The following FLNC variants were observed in gnomAD, a reference collection of about 807,000 sequenced individuals.
FLNC encodes filamin C.
A neutral mutation model predicts 254.3 loss-of-function variants in FLNC; 91 were observed. The observed-to-expected ratio is 0.36, with a 90% CI of 0.30 to 0.43. The LOEUF (loss-of-function observed/expected upper bound fraction) is 0.43. Ranked by LOEUF, FLNC falls within the 20% of genes least tolerant of loss-of-function variation. FLNC has a pLI of 1.00. For missense variants in FLNC, 2,853 were observed against 3,802.6 expected, an observed-to-expected ratio of 0.75 and a Z score of 6.57; for synonymous variants, 1,430 against 1,577.2, an observed-to-expected ratio of 0.91 and a Z score of 2.21.
chr7:128,839,762 C>T (rs557729582), intron 8 of FLNC, among the ~76,000 whole-genome samples: 1 of 152,366 alleles, frequency 6.6e-6, no homozygotes, highest in African/African-American at 2.4e-5. Context: ...TCTCTCTGAG[C>T]CCACTCTCAG....
Position 128,850,925 on chromosome 7 carries a change from G to A in FLNC, c.5521G>A (p.Asp1841Asn), listed in dbSNP as rs1393030606. The part of the protein sequence containing the change: ...KGLHQMGIKY[D>N]GNHIPGSPLQ... ...CCTGCACCAGATGGGGATCAAGTAT[G>A]ACGGCAACCACATCCCTGGTGAGTT... The change falls in exon 33 of 48, where the codon GAC (aspartate) becomes AAC (asparagine). Residue 1841 changes from aspartate (D) to asparagine (N), a missense_variant. Coordinates refer to ENST00000325888, the MANE Select transcript of FLNC (RefSeq NM_001458.5). 1 of 1,613,726 alleles carries A rather than the reference G, an allele frequency of 6.2e-7. No homozygotes were observed. Among genetic ancestry groups the A allele is most frequent in the East Asian group, 2.2e-5 (1 of 44,876 alleles).
At position 128,835,429 on chromosome 7, in the gene FLNC, T is replaced by C; in HGVS notation, c.456T>C (p.Asp152=). The change falls in exon 2 of 48, where the codon GAT becomes GAC. Residue 152 remains aspartate (D), a synonymous_variant. Transcript: ENST00000325888. This position sits in a 1 kb window ranked among gnomAD's most constrained non-coding sequence, Gnocchi z 5.3. The part of the protein sequence containing the change: ...SISMPMWEDE[D]DEDARKQTPK... Reference sequence around the variant, plus strand: ...CCATGCCCATGTGGGAGGATGAAGATGATGAGGATGCCCGCAAACAGACGC... The same window carrying C: ...CCATGCCCATGTGGGAGGATGAAGACGATGAGGATGCCCGCAAACAGACGC... The C allele has an allele frequency of 6.2e-7, 1 of 1,614,050 alleles. No homozygotes were observed. The highest frequency in any genetic ancestry group is 1.7e-5 in the Admixed American group (1 of 60,016).
At chr7:128,844,539 T>C (rs1231089853) in intron 20 of FLNC, 119 bp from the exon 21 acceptor site, 2 of 1,043,534 alleles carry the variant, frequency 1.9e-6, no homozygotes, top group African/African-American at 1.6e-5. Flanking sequence ...CCTGGGATTG[T>C]TATAAGCACT....
intron 1 of FLNC, among the ~76,000 whole-genome samples, chr7:128,834,597 A>G (rs1373205699): frequency 1.3e-5 from 2 of 151,968 alleles, no homozygotes. Context: ...TATTCATTCA[A>G]CCAATATTTA....
At position 128,841,108 on chromosome 7, in the gene FLNC, G is replaced by GC; in HGVS notation, c.1814-61dup. ...AGGACATGAGGGCAGCTAGAGGGGA[G>GC]CTGGGGGACGGAAGGGTCTTGCCTG... On this transcript the variant is annotated intron_variant, in intron 11 of 47. Coordinates refer to ENST00000325888, the MANE Select transcript of FLNC (RefSeq NM_001458.5). The surrounding 1 kb of genome is among the most constrained non-coding windows in gnomAD (Gnocchi z 4.3). 6.3e-7 allele frequency: 1 copy of GC among 1,594,858 alleles called. No individual in the cohort carries two copies. The highest frequency in any genetic ancestry group is 1.7e-5 in the Admixed American group (1 of 59,720).
At position 128,858,028 on chromosome 7, in the gene FLNC, C is replaced by T. The variant is rs1359466447; in HGVS notation, c.7801C>T (p.His2601Tyr). 5 of 1,547,086 alleles carry T rather than the reference C, an allele frequency of 3.2e-6. No homozygotes were observed. The highest frequency in any genetic ancestry group is 1.7e-4 in the Middle Eastern group (1 of 5,900). Residue 2601 changes from histidine to tyrosine, a missense_variant, in exon 47 of 48, where the codon CAC (histidine) becomes TAC (tyrosine). Physicochemically the swap from His to Tyr is moderately conservative, Grantham distance 83. Coordinates refer to ENST00000325888, the MANE Select transcript of FLNC (RefSeq NM_001458.5). This position sits in a 1 kb window ranked among gnomAD's most constrained non-coding sequence, Gnocchi z 6.7. ...CTCAGGTCCGAGGCTGTCCGGAGGC[C>T]ACAGCCTTCACGAAACATCCACGGT... ...KVTGPRLSGGHSLHETSTVLV... is the reference protein window; with the variant it reads ...KVTGPRLSGGYSLHETSTVLV...
intron 9 of FLNC, 143 bp from the exon 10 acceptor site, chr7:128,840,405 C>G (rs1008303104): frequency 8.8e-7 from 1 of 1,137,968 alleles, no homozygotes; most frequent in African/African-American, 1.5e-5. Context: ...ACAAGTGTTC[C>G]CTGCCCTGAG....
intron 38 of FLNC, 41 bp downstream of exon 38, chr7:128,853,662 G>A: frequency 1.9e-6 from 3 of 1,613,982 alleles, no homozygotes; most frequent in South Asian, 1.1e-5. Flanking sequence ...AGACAGGGAG[G>A]CCAGGAGGCT....
chr7:128,846,986 G>A (rs1336323520), intron 24 of FLNC, 81 bp downstream of exon 24: 3 of 1,550,562 alleles, frequency 1.9e-6, no homozygotes, highest in African/African-American at 1.4e-5. Context: ...GAAACTGGAA[G>A]GAAGTTGGGT....
At position 128,838,260 on chromosome 7, in the gene FLNC, C is replaced by G; in HGVS notation, c.1048-7C>G. 1 of 1,613,688 alleles carries G rather than the reference C, an allele frequency of 6.2e-7. No homozygotes were observed. Among genetic ancestry groups the G allele is most frequent in the South Asian group, 1.1e-5 (1 of 91,074 alleles). On this transcript the variant is annotated splice_polypyrimidine_tract_variant and splice_region_variant and intron_variant, in intron 6 of 47. Coordinates refer to ENST00000325888, the MANE Select transcript of FLNC (RefSeq NM_001458.5). ...CTAGAAGCTAACCTTTGACCTCTGA[C>G]CCCTAGGTGACCGTGCTCTTTGCTG...
intron 24 of FLNC, 58 bp downstream of exon 24, chr7:128,846,963 G>A (rs961333285): frequency 6.9e-6 from 11 of 1,591,700 alleles, no homozygotes; most frequent in African/African-American, 4.0e-5. Context: ...CAGGATGCTC[G>A]CCCCACAAGG....
intron 8 of FLNC, among the ~76,000 whole-genome samples, chr7:128,839,616 T>G (rs1285883768): frequency 2.0e-5 from 3 of 152,224 alleles, no homozygotes; most frequent in Non-Finnish European, 4.4e-5. Flanking sequence ...CTTCGAGTTC[T>G]ATGAAGTAGC....
chr7:128,840,137 T>C lies in FLNC; in HGVS notation c.1526T>C (p.Leu509Pro), dbSNP rs759069062. The change falls in exon 9 of 48, where the codon CTC becomes CCC. Residue 509 changes from leucine to proline, a missense_variant. Physicochemically the swap from Leu to Pro is moderately conservative, Grantham distance 98. Around this residue, in one of 10 missense-constraint regions of FLNC, gnomAD observed 1,573 missense variants for 1,883.5 expected, o/e 0.84. Transcript: ENST00000325888. ...VFTKGAGSGE[L>P]KVTVKGPKGT... Reference sequence around the variant, plus strand: ...ACCAAGGGTGCCGGCAGCGGGGAGCTCAAGGTCACGGTCAAGGGGCCAAGT... The same window carrying C: ...ACCAAGGGTGCCGGCAGCGGGGAGCCCAAGGTCACGGTCAAGGGGCCAAGT... 2.5e-6 allele frequency: 4 copies of C among 1,613,934 alleles called. No homozygotes were observed. Among genetic ancestry groups the C allele is most frequent in the Non-Finnish European group, 3.4e-6 (4 of 1,180,008 alleles).
intron 26 of FLNC, among the ~76,000 whole-genome samples, chr7:128,848,286 G>A (rs967857871): frequency 5.3e-5 from 8 of 152,140 alleles, no homozygotes; most frequent in African/African-American, 1.9e-4. Context: ...CTTAGGAAGA[G>A]TGCAGGAGGC....
Position 128,841,606 on chromosome 7 carries a change from T to C in FLNC, c.2121+39T>C. The C allele has an allele frequency of 6.7e-7, 1 of 1,498,714 alleles. No homozygotes were observed. The highest frequency in any genetic ancestry group is 9.3e-7 in the Non-Finnish European group (1 of 1,074,696). The allele number at this position is 1,498,714 out of a possible 1,614,324, so 92.8% of individuals were successfully genotyped here. On this transcript the variant is annotated intron_variant, in intron 13 of 47. Transcript: ENST00000325888. This position sits in a 1 kb window ranked among gnomAD's most constrained non-coding sequence, Gnocchi z 4.3. ...CAGTCTCTGCTGCCCTTACTACCCA[T>C]GGCAGGGACCCTGGAAGGCAGGGCC... is the stretch of plus-strand genomic sequence containing the variant.
rs567514134 is a variant in FLNC at position 128,841,214 on chromosome 7, G to A, written c.1858G>A (p.Asp620Asn). Residue 620 changes from aspartate (D) to asparagine (N), a missense_variant, in exon 12 of 48, where the codon GAC (aspartate) becomes AAC (asparagine). Physicochemically the swap from Asp to Asn is conservative, Grantham distance 23. Coordinates refer to ENST00000325888, the MANE Select transcript of FLNC (RefSeq NM_001458.5). This position sits in a 1 kb window ranked among gnomAD's most constrained non-coding sequence, Gnocchi z 4.3. ...CTCACAAGCCAAGATCGAATGTGAC[G>A]ACAAGGGGGATGGCTCCTGCGATGT... ...GPSQAKIECD[D>N]KGDGSCDVRY... The A allele has an allele frequency of 3.1e-6, 5 of 1,614,080 alleles. No individual in the cohort carries two copies. The highest frequency in any genetic ancestry group is 3.3e-5 in the Admixed American group (2 of 60,024).
At position 128,830,571 on chromosome 7, in the gene FLNC, C is replaced by G; in HGVS notation, c.-67C>G. On this transcript the variant is annotated 5_prime_UTR_variant, in exon 1 of 48. Coordinates refer to ENST00000325888, the MANE Select transcript of FLNC (RefSeq NM_001458.5). The stretch of plus-strand genomic sequence containing the variant: ...GAGTCCCGTGGTCGCGCCCCAACAG[C>G]GCCCGACAGCCCCCGATAGCCCAAA... The G allele has an allele frequency of 7.2e-7, 1 of 1,379,516 alleles. No individual in the cohort carries two copies. The highest frequency in any genetic ancestry group is 1.0e-6 in the Non-Finnish European group (1 of 981,722). The allele number at this position is 1,379,516 out of a possible 1,614,324, so 85.5% of individuals were successfully genotyped here. A position where few individuals can be genotyped will look rare whatever the true frequency, so the allele number is the denominator to read the frequency against.
intron 20 of FLNC, 83 bp downstream of exon 20, chr7:128,844,349 G>A (rs867615278): frequency 2.0e-6 from 3 of 1,468,878 alleles, no homozygotes; most frequent in African/African-American, 1.4e-5. Flanking sequence ...GAGGCCAGAG[G>A]GACTTATGTG....
Position 128,840,426 on chromosome 7 carries a change from G to GGTCA in FLNC, c.1550-122_1550-121insGTCA. The GGTCA allele has an allele frequency of 4.5e-6, 6 of 1,334,348 alleles. No individual in the cohort carries two copies. The South Asian group carries it at 7.5e-5, about 17-fold the overall frequency. The allele number at this position is 1,334,348 out of a possible 1,614,324, so 82.7% of individuals were successfully genotyped here. On this transcript the variant is annotated intron_variant, in intron 9 of 47. Transcript: ENST00000325888. The stretch of plus-strand genomic sequence containing the variant: ...GTTCCCTGCCCTGAGTTGCAGCACT[G>GGTCA]CTCACTACAGCACTGCCCTCGGGCT...
Sources: gnomAD v4.1 joint callset for allele counts (sites outside exome capture counted in the v4.1 genomes callset) on GRCh38, gnomAD v4.1.1 for gene constraint, gnomAD v4.1.1 regional missense constraint, Gnocchi (gnomAD v3.1) non-coding constraint, MANE v1.5 for transcripts, NCBI Gene and HGNC (gene_info 2026-07-23, HGNC 2026-07-21) for gene names.